Variants in CCDC60 observed in about 807,000 individuals in gnomAD.
The protein encoded by CCDC60 is coiled-coil domain containing 60.
In CCDC60, 54 loss-of-function variants were observed where a neutral mutation model predicts 63.5. The ratio of observed to expected loss-of-function variants is 0.85; its 90% CI spans 0.68 to 1.07. The LOEUF is 1.07. Ranked by LOEUF, CCDC60 falls within the 50% of genes least tolerant of loss-of-function variation. The probability of loss-of-function intolerance (pLI) is 0.00; values close to 1 mark genes in which losing one functional copy is unlikely to be tolerated. For synonymous variants in CCDC60, 206 were observed against 238.8 expected, an observed-to-expected ratio of 0.86 and a Z score of 1.27; for missense variants, 651 against 684.3, an observed-to-expected ratio of 0.95 and a Z score of 0.54.
Position 119,519,241 on chromosome 12 carries a change from G to A in CCDC60, c.969-880G>A, listed in dbSNP as rs150014457. Among the ~76,000 whole-genome samples, 34 of 152,118 alleles carry A rather than the reference G, an allele frequency of 2.2e-4. 1 individual carries two copies. In the East Asian group the frequency reaches 3.3e-3, roughly 15 times the overall value. On this transcript the variant is annotated intron_variant, in intron 8 of 13. Coordinates refer to ENST00000327554, the MANE Select transcript of CCDC60 (RefSeq NM_178499.5). The stretch of plus-strand genomic sequence containing the variant: ...ACATCCAGCCCCCAGCCTCAAGGCC[G>A]GGCTGCCCCCTAGCCATCTGAAAAT...
rs1481078560 is a variant in CCDC60, at chr12:119,528,676, A to G, written c.1291A>G (p.Lys431Glu). ...TTTTGTCCTTGTCTCAAATTTTCAA[A>G]AGGACATAGCAAAAATGAGACATCA... ...RAFVLVSNFQKDIAKMRHHIS... is the reference protein window; with the variant it reads ...RAFVLVSNFQEDIAKMRHHIS... The change falls in exon 12 of 14, where the codon AAG becomes GAG. Residue 431 changes from lysine to glutamate, a missense_variant. By Grantham distance (56) the Lys-to-Glu change is moderately conservative. Coordinates refer to ENST00000327554, the MANE Select transcript of CCDC60 (RefSeq NM_178499.5). The G allele has an allele frequency of 1.2e-6, 2 of 1,614,002 alleles. No homozygotes were observed. The highest frequency in any genetic ancestry group is 4.5e-5 in the East Asian group (2 of 44,876).
At chr12:119,528,202 G>A (rs4766943) in intron 11 of CCDC60, among the ~76,000 whole-genome samples, 12,315 of 152,046 alleles carry the variant, frequency 0.081, 614 homozygotes, top group Non-Finnish European at 0.11. Context: ...AGATGATAAG[G>A]GGAGTGGGGA....
At chr12:119,496,075 A>G (rs1162415900) in intron 5 of CCDC60, among the ~76,000 whole-genome samples, 1 of 152,148 alleles carries the variant, frequency 6.6e-6, no homozygotes, top group African/African-American at 2.4e-5. Context: ...AGAATGTGGC[A>G]GGAGGATCAG....
At chr12:119,364,951 G>A (rs1344541325) in intron 1 of CCDC60, among the ~76,000 whole-genome samples, 2 of 152,110 alleles carry the variant, frequency 1.3e-5, no homozygotes, top group Non-Finnish European at 2.9e-5. Flanking sequence ...GCTCTGAGGT[G>A]TATAGAAAAC....
chr12:119,395,937 C>CTTTTCT (rs1956245002), intron 1 of CCDC60, among the ~76,000 whole-genome samples: 1 of 148,286 alleles, frequency 6.7e-6, no homozygotes, highest in African/African-American at 2.5e-5. Context: ...ATCATGCATC[C>CTTTTCT]TTTTCTTTCT....
intron 2 of CCDC60, among the ~76,000 whole-genome samples, chr12:119,469,023 A>G (rs1377081878): frequency 2.0e-5 from 3 of 152,088 alleles, no homozygotes; most frequent in Admixed American, 1.3e-4. Flanking sequence ...ATTTATATCT[A>G]TATATTCTGT....
At chr12:119,498,414 C>T (rs2136406533) in intron 5 of CCDC60, among the ~76,000 whole-genome samples, 1 of 152,230 alleles carries the variant, frequency 6.6e-6, no homozygotes, top group African/African-American at 2.4e-5. Context: ...CTCACTGCAA[C>T]CTCCGCCTCC....
intron 1 of CCDC60, among the ~76,000 whole-genome samples, chr12:119,345,284 A>T (rs980601637): frequency 6.6e-6 from 1 of 152,226 alleles, no homozygotes; most frequent in Admixed American, 6.5e-5. Context: ...CAGGCGGATC[A>T]TGAGGTCAGG....
intron 1 of CCDC60, among the ~76,000 whole-genome samples, chr12:119,412,275 A>AAAAAAAAATGAGGTT (rs1425016178): frequency 6.6e-6 from 1 of 152,086 alleles, no homozygotes; most frequent in African/African-American, 2.4e-5. Context: ...TCACATTAAA[A>AAAAAAAAATGAGGTT]AAAAAAAATG....
At chr12:119,388,876 CA>C (rs1259517833) in intron 1 of CCDC60, among the ~76,000 whole-genome samples, 24 of 144,244 alleles carry the variant, frequency 1.7e-4, no homozygotes, top group Admixed American at 5.8e-4. Flanking sequence ...TGTTAAAATG[CA>C]ACTGGAAAAC....
intron 1 of CCDC60, among the ~76,000 whole-genome samples, chr12:119,377,632 T>A (rs1955966500): frequency 6.6e-6 from 1 of 152,244 alleles, no homozygotes; most frequent in Admixed American, 6.5e-5. Flanking sequence ...TTATTAACTA[T>A]TTAGTGTGAG....
intron 4 of CCDC60, among the ~76,000 whole-genome samples, chr12:119,482,883 A>G (rs985936998): frequency 1.3e-5 from 2 of 152,142 alleles, no homozygotes; most frequent in African/African-American, 4.8e-5. Context: ...GTTGGTGGCC[A>G]GGGTGACATG....
chr12:119,438,549 C>G lies in CCDC60; in HGVS notation c.170+9787C>G, dbSNP rs555564390. Reference sequence around the variant, plus strand: ...GCTGTACACAAATGAATTCACTTCTCTAGACCTCAGTTACTTTATCTATGT... The same window carrying G: ...GCTGTACACAAATGAATTCACTTCTGTAGACCTCAGTTACTTTATCTATGT... On this transcript the variant is annotated intron_variant, in intron 2 of 13. Coordinates refer to ENST00000327554, the MANE Select transcript of CCDC60 (RefSeq NM_178499.5). 7.8e-4 allele frequency among the ~76,000 whole-genome samples: 119 copies of G among 152,300 alleles called. 1 individual carries two copies. The highest frequency in any genetic ancestry group is 2.6e-3 in the African/African-American group (109 of 41,574).
chr12:119,412,922 T>C (rs940558609), intron 1 of CCDC60, among the ~76,000 whole-genome samples: 1 of 152,126 alleles, frequency 6.6e-6, no homozygotes, highest in African/African-American at 2.4e-5. Flanking sequence ...CGTGGGTAGA[T>C]TGAAGCTAGC....
At chr12:119,496,231 C>T (rs1044240434) in intron 5 of CCDC60, among the ~76,000 whole-genome samples, 2 of 152,238 alleles carry the variant, frequency 1.3e-5, no homozygotes, top group African/African-American at 2.4e-5. Context: ...TACAGCTTTC[C>T]ACCCTGGGAA....
chr12:119,516,397 G>A (rs112741466), intron 7 of CCDC60, among the ~76,000 whole-genome samples: 1,756 of 152,242 alleles, frequency 0.012, 25 homozygotes, highest in African/African-American at 0.041. Context: ...TTAGCCAAAC[G>A]TAACACAGAA....
At chr12:119,418,382 C>CTCTCTTTT (rs1565997946) in intron 1 of CCDC60, among the ~76,000 whole-genome samples, 2 of 60,726 alleles carry the variant, frequency 3.3e-5, no homozygotes, top group African/African-American at 1.1e-4. Context: ...CCTTTTCTTT[C>CTCTCTTTT]TTTCTTTTTT....
intron 2 of CCDC60, among the ~76,000 whole-genome samples, chr12:119,451,260 C>T (rs917208186): frequency 1.3e-5 from 2 of 152,160 alleles, no homozygotes; most frequent in Admixed American, 6.5e-5. Context: ...TTGGCCATTA[C>T]ATTGCCAAGA....
intron 2 of CCDC60, among the ~76,000 whole-genome samples, chr12:119,468,055 A>G (rs940253804): frequency 1.2e-4 from 19 of 152,010 alleles, no homozygotes; most frequent in African/African-American, 4.6e-4. Context: ...TGGGTGGGTC[A>G]TAAGATCAGG....
Sources: allele counts gnomAD v4.1 joint callset (sites outside exome capture counted in the v4.1 genomes callset), GRCh38; gene constraint gnomAD v4.1.1; transcripts MANE v1.5; gene names NCBI Gene and HGNC (gene_info 2026-07-23, HGNC 2026-07-21).